The following TRPC5 variants were observed in gnomAD, a reference collection of about 807,000 sequenced individuals.
The protein encoded by TRPC5 is short transient receptor potential channel 5.
TRPC5 carries 9 observed loss-of-function variants against 56.5 expected under a neutral mutation model. That is an observed-to-expected ratio of 0.16 (90% confidence interval 0.10 to 0.28). The LOEUF is 0.28. Among genes scored for constraint, TRPC5 ranks in the 10% least tolerant of loss-of-function variants. The pLI, the probability that TRPC5 is intolerant of heterozygous loss-of-function variation, is 1.00. For synonymous variants in TRPC5, 282 were observed against 278.5 expected (o/e 1.01, Z -0.13); for missense variants, 469 against 748.9 (o/e 0.63, Z 4.36).
chrX:111,931,396 T>C (rs999934069), intron 2 of TRPC5, among the ~76,000 whole-genome samples: 5 of 112,472 alleles, frequency 4.4e-5, no homozygotes, highest in African/African-American at 1.6e-4. Flanking sequence ...AGGACCCTTG[T>C]GATTGAATAA....
intron 3 of TRPC5, chrX:111,876,124 C>G (rs1208696158): frequency 9.0e-6 from 1 of 110,656 alleles, no homozygotes; most frequent in Non-Finnish European, 1.9e-5. Context: ...TGGGAGCTAT[C>G]TCTTAATTAT....
At chrX:111,816,308 T>C (rs2148567932) in intron 7 of TRPC5, among the ~76,000 whole-genome samples, 1 of 112,198 alleles carries the variant, frequency 8.9e-6, no homozygotes, top group African/African-American at 3.2e-5. Flanking sequence ...TTAGAGAGAC[T>C]GTCACCAACC....
intron 2 of TRPC5, among the ~76,000 whole-genome samples, chrX:111,950,175 A>G (rs1367939710): frequency 9.0e-6 from 1 of 110,625 alleles, no homozygotes; most frequent in Non-Finnish European, 1.9e-5. Flanking sequence ...ATACAAAAAA[A>G]TTAGCCAGGC....
rs781281603 is a variant in TRPC5 at position 112,077,321 on chromosome X, G to A, written c.-22+4558C>T. Reference sequence around the variant, plus strand: ...TTTTACAGTGAATAATAAGATAAGTGGACCTGGAAAAAGTTTATATTTTAT... The same window carrying A: ...TTTTACAGTGAATAATAAGATAAGTAGACCTGGAAAAAGTTTATATTTTAT... On this transcript the variant is annotated intron_variant, in intron 1 of 10. Transcript: ENST00000262839. Among the ~76,000 whole-genome samples the A allele has an allele frequency of 3.6e-5, 4 of 111,937 alleles. No individual in the cohort carries two copies. The Admixed American group carries it at 3.8e-4, about 11-fold the overall frequency.
At chrX:111,790,794 G>A (rs1053946545) in intron 7 of TRPC5, among the ~76,000 whole-genome samples, 1 of 110,043 alleles carries the variant, frequency 9.1e-6, no homozygotes, top group Non-Finnish European at 1.9e-5. Context: ...GCCAAAGCTG[G>A]GGATCAGTTG....
At chrX:111,961,800 T>C (rs1927389307) in intron 1 of TRPC5, among the ~76,000 whole-genome samples, 1 of 112,112 alleles carries the variant, frequency 8.9e-6, no homozygotes, top group African/African-American at 3.2e-5. Flanking sequence ...ATTATTTTAT[T>C]GATTTAACAG....
chrX:111,788,469 CA>C (rs1424674227), intron 7 of TRPC5, among the ~76,000 whole-genome samples: 2 of 111,850 alleles, frequency 1.8e-5, no homozygotes, highest in Non-Finnish European at 3.8e-5. Flanking sequence ...ACTGAATGGG[CA>C]AAAACTGGAA....
intron 7 of TRPC5, among the ~76,000 whole-genome samples, chrX:111,819,099 T>A (rs1315788843): frequency 9.0e-6 from 1 of 111,478 alleles, no homozygotes; most frequent in Non-Finnish European, 1.9e-5. Flanking sequence ...ACCACTGAGC[T>A]ATACTGTCTT....
intron 1 of TRPC5, among the ~76,000 whole-genome samples, chrX:111,953,116 G>A (rs1274950045): frequency 8.9e-6 from 1 of 111,746 alleles, no homozygotes; most frequent in Non-Finnish European, 1.9e-5. Flanking sequence ...TCTTGCTGCT[G>A]CTCAATGGGG....
intron 3 of TRPC5, among the ~76,000 whole-genome samples, chrX:111,854,492 A>G (rs1388324854): frequency 9.0e-6 from 1 of 111,634 alleles, no homozygotes; most frequent in East Asian, 2.8e-4. Flanking sequence ...GACTGACTAA[A>G]TGAGACTCTG....
At chrX:111,823,921 G>A (rs915736178) in intron 7 of TRPC5, among the ~76,000 whole-genome samples, 1 of 110,953 alleles carries the variant, frequency 9.0e-6, no homozygotes, top group Admixed American at 9.6e-5. Context: ...ACTTCAGGTC[G>A]GACAGACCTT....
rs1945850518 is a variant in TRPC5 at position 111,772,753 on chromosome X, TAAAC to T, written c.*3556_*3559del. On this transcript the variant is annotated 3_prime_UTR_variant, in exon 11 of 11. Coordinates refer to ENST00000262839, the MANE Select transcript of TRPC5 (RefSeq NM_012471.3). ...AGCCTCAATTTTTCTAAGGTACTTT[TAAAC>T]AAAGGATTTGCTGCCTATCTTCAAG... is the stretch of plus-strand genomic sequence containing the variant. 9.0e-6 allele frequency among the ~76,000 whole-genome samples: 1 copy of T among 111,669 alleles called. No individual in the cohort carries two copies. The highest frequency in any genetic ancestry group is 1.9e-5 in the Non-Finnish European group (1 of 53,166).
chrX:111,818,846 C>T (rs1405935077), intron 7 of TRPC5, among the ~76,000 whole-genome samples: 1 of 110,843 alleles, frequency 9.0e-6, no homozygotes, highest in Non-Finnish European at 1.9e-5. Flanking sequence ...TCAGGTGATC[C>T]ACCCGCCTCA....
chrX:112,027,373 C>T (rs1232105566), intron 1 of TRPC5, among the ~76,000 whole-genome samples: 1 of 112,296 alleles, frequency 8.9e-6, no homozygotes, highest in Non-Finnish European at 1.9e-5. Context: ...CAAAGTTTAA[C>T]TACATAGGCT....
In TRPC5 at chrX:112,075,589, C is replaced by A. The variant is rs1222645491; in HGVS notation, c.-22+6290G>T. On this transcript the variant is annotated intron_variant, in intron 1 of 10. Transcript: ENST00000262839. ...ATAATTGAAGTTGCTAATTAGCAGA[C>A]CTTAAAATAGGAGATAATCCTGGAT... 2.7e-5 allele frequency among the ~76,000 whole-genome samples: 3 copies of A among 111,443 alleles called. No individual in the cohort carries two copies. In the Admixed American group the frequency reaches 2.9e-4, roughly 11 times the overall value.
rs867408806 is a variant in TRPC5 at position 111,773,771 on chromosome X, T to C, written c.*2542A>G. On this transcript the variant is annotated 3_prime_UTR_variant, in exon 11 of 11. Transcript: ENST00000262839. Reference sequence around the variant, plus strand: ...TAAAGTTCTCTTTTAGTTCTTTTTATGTTTATAAATTTACTCTCAAGTTGG... The same window carrying C: ...TAAAGTTCTCTTTTAGTTCTTTTTACGTTTATAAATTTACTCTCAAGTTGG... Among the ~76,000 whole-genome samples, 6 of 111,705 alleles carry C rather than the reference T, an allele frequency of 5.4e-5. No homozygotes were observed. The highest frequency in any genetic ancestry group is 2.0e-4 in the African/African-American group (6 of 30,736).
chrX:112,065,544 T>C (rs1930563452), intron 1 of TRPC5, among the ~76,000 whole-genome samples: 1 of 112,072 alleles, frequency 8.9e-6, no homozygotes, highest in Non-Finnish European at 1.9e-5. Flanking sequence ...CCTTGAGTAT[T>C]ATGACATTTC....
chrX:111,805,436 C>T (rs1921470587), intron 7 of TRPC5, among the ~76,000 whole-genome samples: 2 of 111,216 alleles, frequency 1.8e-5, no homozygotes, highest in Admixed American at 9.6e-5. Context: ...GTACCAGTTC[C>T]TCTTTGTACC....
intron 1 of TRPC5, among the ~76,000 whole-genome samples, chrX:112,011,480 C>T (rs1212317648): frequency 8.9e-5 from 10 of 111,884 alleles, no homozygotes; most frequent in East Asian, 8.5e-4. Flanking sequence ...AGCCTGTTCC[C>T]GTTGGAGGCT....
Sources: allele counts gnomAD v4.1 joint callset (sites outside exome capture counted in the v4.1 genomes callset), GRCh38; gene constraint gnomAD v4.1.1; transcripts MANE v1.5; gene names NCBI Gene and HGNC (gene_info 2026-07-23, HGNC 2026-07-21).